The following ANK3 variants were observed in gnomAD, a reference collection of about 807,000 sequenced individuals.
ANK3 encodes the protein ankyrin-3.
In ANK3, 57 loss-of-function variants were observed where a neutral mutation model predicts 370.9. That is an observed-to-expected ratio of 0.15 (90% CI 0.12 to 0.19). The LOEUF is 0.19. ANK3 is among the 10% of genes least tolerant of loss of function. ANK3 has a pLI of 1.00. For synonymous variants in ANK3, 1,929 were observed against 1,946.3 expected (o/e 0.99, Z 0.23); for missense variants, 4,439 against 5,302.1 (o/e 0.84, Z 5.06).
At chr10:60,182,734 C>T (rs1357923545) in intron 17 of ANK3, among the ~76,000 whole-genome samples, 1 of 152,082 alleles carries the variant, frequency 6.6e-6, no homozygotes, top group East Asian at 1.9e-4. Context: ...TTATGGAATG[C>T]AGAGAGAGTC....
rs537884967 is a variant in ANK3, at chr10:60,307,921, C to T, written c.115-28282G>A. Among the ~76,000 whole-genome samples, 125 of 152,260 alleles carry T rather than the reference C, an allele frequency of 8.2e-4. 1 individual carries two copies. The highest frequency in any genetic ancestry group is 2.9e-3 in the African/African-American group (122 of 41,546). On this transcript the variant is annotated intron_variant, in intron 1 of 43. Coordinates refer to ENST00000280772, the MANE Select transcript of ANK3 (RefSeq NM_020987.5). ...CAATATTCAGTAAAACTATGAAATG[C>T]TTTTTAAAAAAGAAAATGTGACAAC...
intron 1 of ANK3, among the ~76,000 whole-genome samples, chr10:60,616,086 C>T (rs1055569034): frequency 1.2e-4 from 19 of 152,004 alleles, no homozygotes; most frequent in African/African-American, 3.6e-4. Context: ...AAATTGACAC[C>T]ATAAAAATTA....
intron 27 of ANK3, chr10:60,108,319 G>A (rs370110619): frequency 7.2e-5 from 23 of 319,706 alleles, no homozygotes; most frequent in South Asian, 4.0e-4. Flanking sequence ...AAAGAGAAAC[G>A]AGAAGGGGAA....
chr10:60,180,615 C>CAAAAAAAAAAAAAAAAAAAA (rs990463587), intron 18 of ANK3, among the ~76,000 whole-genome samples: 4 of 106,148 alleles, frequency 3.8e-5, no homozygotes, highest in Non-Finnish European at 7.5e-5. Context: ...AAAAAAAAAC[C>CAAAAAAAAAAAAAAAAAAAA]AAAAAAAAAA....
chr10:60,432,033 T>C (rs2064038188), intron 2 of ANK3, among the ~76,000 whole-genome samples: 1 of 152,226 alleles, frequency 6.6e-6, no homozygotes, highest in South Asian at 2.1e-4. Context: ...AAAATGTGTC[T>C]GAAGAGGTGA....
At chr10:60,484,947 ATTGAC>A (rs2075313080) in intron 2 of ANK3, among the ~76,000 whole-genome samples, 1 of 152,198 alleles carries the variant, frequency 6.6e-6, no homozygotes, top group South Asian at 2.1e-4. Flanking sequence ...TAAAAATGAC[ATTGAC>A]TTAACTAGAT....
At chr10:60,661,332 G>A (rs535070446) in intron 1 of ANK3, among the ~76,000 whole-genome samples, 6 of 152,162 alleles carry the variant, frequency 3.9e-5, no homozygotes, top group Admixed American at 3.9e-4. Context: ...CTTAGAAAGT[G>A]AAAGAATGAG....
chr10:60,612,995 T>C (rs2078221117), intron 2 of ANK3, among the ~76,000 whole-genome samples: 1 of 152,142 alleles, frequency 6.6e-6, no homozygotes, highest in African/African-American at 2.4e-5. Context: ...TGTGCACAAA[T>C]ATGTGAGTAA....
chr10:60,692,806 T>C (rs7901839), intron 1 of ANK3, among the ~76,000 whole-genome samples: 50,538 of 152,192 alleles, frequency 0.33, 8,579 homozygotes, highest in African/African-American at 0.37. Context: ...TGTTAGCTGA[T>C]AGCTGATTGT....
intron 2 of ANK3, among the ~76,000 whole-genome samples, chr10:60,488,548 A>G (rs1399085268): frequency 6.6e-6 from 1 of 151,968 alleles, no homozygotes; most frequent in African/African-American, 2.4e-5. Context: ...CCCCATCCCC[A>G]CTAGTAATCA....
intron 1 of ANK3, among the ~76,000 whole-genome samples, chr10:60,626,243 A>T (rs2078408406): frequency 6.6e-6 from 1 of 152,190 alleles, no homozygotes; most frequent in African/African-American, 2.4e-5. Context: ...CAATGACATC[A>T]TTGAAATATA....
intron 2 of ANK3, among the ~76,000 whole-genome samples, chr10:60,460,619 T>A (rs1402410711): frequency 6.6e-6 from 1 of 152,120 alleles, no homozygotes; most frequent in Non-Finnish European, 1.5e-5. Flanking sequence ...TCACTAATAT[T>A]CTGAAATATC....
chr10:60,333,451 C>T (rs1376808098), intron 1 of ANK3, among the ~76,000 whole-genome samples: 7 of 152,166 alleles, frequency 4.6e-5, no homozygotes, highest in Non-Finnish European at 8.8e-5. Flanking sequence ...TTTCCAGCTT[C>T]ATCTATGTCC....
In ANK3 at chr10:60,166,806, CAAAG is replaced by C. The variant is rs756647365; in HGVS notation, c.2551+14_2551+17del. ...CAGTCACTTATAATTATTGTGAACT[CAAAG>C]AACATTTTCATACCTTCATCATCAG... On this transcript the variant is annotated intron_variant, in intron 22 of 43. Transcript: ENST00000280772. 1.2e-6 allele frequency: 2 copies of C among 1,612,014 alleles called. No individual in the cohort carries two copies. Among genetic ancestry groups the C allele is most frequent in the Non-Finnish European group, 8.5e-7 (1 of 1,178,270 alleles).
chr10:60,306,851 C>T (rs917195389), intron 1 of ANK3, among the ~76,000 whole-genome samples: 2 of 152,106 alleles, frequency 1.3e-5, no homozygotes, highest in Non-Finnish European at 2.9e-5. Context: ...GAATGGTCCT[C>T]CTGCCCTGGC....
At chr10:60,672,919 G>A (rs1461774158) in intron 1 of ANK3, among the ~76,000 whole-genome samples, 1 of 152,120 alleles carries the variant, frequency 6.6e-6, no homozygotes, top group East Asian at 1.9e-4. Flanking sequence ...GTTGTTAGTG[G>A]GGAGAAATCC....
chr10:60,342,401 G>A (rs1162503821), intron 1 of ANK3, among the ~76,000 whole-genome samples: 1 of 152,088 alleles, frequency 6.6e-6, no homozygotes, highest in African/African-American at 2.4e-5. Flanking sequence ...ATCTTCAGAG[G>A]GGAAGGCTGG....
intron 2 of ANK3, among the ~76,000 whole-genome samples, chr10:60,494,866 T>A (rs2075614399): frequency 6.6e-6 from 1 of 152,208 alleles, no homozygotes; most frequent in Non-Finnish European, 1.5e-5. Context: ...AGATACAGCA[T>A]AATGCAAATG....
chr10:60,264,951 T>C (rs1395457234), intron 5 of ANK3, among the ~76,000 whole-genome samples: 2 of 152,012 alleles, frequency 1.3e-5, no homozygotes, highest in Non-Finnish European at 2.9e-5. Context: ...CTCTATATAT[T>C]TATTCTGGTT....
Sources: gnomAD v4.1 joint callset for allele counts (sites outside exome capture counted in the v4.1 genomes callset) on GRCh38, gnomAD v4.1.1 for gene constraint, MANE v1.5 for transcripts, NCBI Gene and HGNC (gene_info 2026-07-23, HGNC 2026-07-21) for gene names.